The following SDCCAG8 variants were observed in gnomAD, a reference collection of about 807,000 sequenced individuals.
SDCCAG8 encodes serologically defined colon cancer antigen 8.
A neutral mutation model predicts 101.8 loss-of-function variants in SDCCAG8; 74 were observed. That is an observed-to-expected ratio of 0.73 (90% CI 0.60 to 0.88). The LOEUF is 0.88. Ranked by LOEUF, SDCCAG8 falls within the 40% of genes least tolerant of loss-of-function variation. The pLI is 0.00. For missense variants in SDCCAG8, 787 were observed against 822.6 expected (o/e 0.96, Z 0.53); for synonymous variants, 281 against 292.9 (o/e 0.96, Z 0.41).
At chr1:243,480,282 G>A (rs1315415923) in intron 16 of SDCCAG8, among the ~76,000 whole-genome samples, 2 of 148,288 alleles carry the variant, frequency 1.3e-5, no homozygotes, top group East Asian at 2.0e-4. Context: ...GAAGGTCATG[G>A]AATGGATGGG....
At position 243,474,804 on chromosome 1, in the gene SDCCAG8, T is replaced by C. The variant is rs1290507314; in HGVS notation, c.1986-14210T>C. 6.6e-6 allele frequency among the ~76,000 whole-genome samples: 1 copy of C among 152,242 alleles called. No homozygotes were observed. The highest frequency in any genetic ancestry group is 1.5e-5 in the Non-Finnish European group (1 of 68,036). ...CTGGTTGAGTAAGGGAGGAGGCTCG[T>C]CCTGAACGTGCACAGCCGCTCCTAA... On this transcript the variant is annotated intron_variant, in intron 16 of 17. Coordinates refer to ENST00000366541, the MANE Select transcript of SDCCAG8 (RefSeq NM_006642.5). This position sits in a 1 kb window ranked among gnomAD's most constrained non-coding sequence, Gnocchi z 4.7.
intron 2 of SDCCAG8, 63 bp from the exon 3 acceptor site, chr1:243,270,915 A>C (rs1160766690): frequency 8.6e-7 from 1 of 1,167,932 alleles, no homozygotes; most frequent in Non-Finnish European, 1.3e-6. Flanking sequence ...GGAAGGATGG[A>C]TGGGTGGTAA....
intron 17 of SDCCAG8, among the ~76,000 whole-genome samples, chr1:243,492,520 T>G (rs1666752409): frequency 6.6e-6 from 1 of 151,234 alleles, no homozygotes; most frequent in Non-Finnish European, 1.5e-5. Context: ...GCCAGGCTGG[T>G]CTTGAACTCC....
chr1:243,418,140 A>G, intron 15 of SDCCAG8, 64 bp downstream of exon 15: 1 of 1,134,914 alleles, frequency 8.8e-7, no homozygotes. Context: ...TTTTTCCTTA[A>G]AAAACATCAT....
intron 10 of SDCCAG8, among the ~76,000 whole-genome samples, chr1:243,332,188 A>T (rs2074655808): frequency 6.6e-6 from 1 of 152,300 alleles, no homozygotes; most frequent in East Asian, 1.9e-4. Flanking sequence ...ATAGAGAGAG[A>T]GGAGCAGAGT....
At chr1:243,311,991 C>G (rs1406010327) in intron 8 of SDCCAG8, among the ~76,000 whole-genome samples, 2 of 152,196 alleles carry the variant, frequency 1.3e-5, no homozygotes, top group African/African-American at 4.8e-5. Flanking sequence ...CTACTTAGTT[C>G]AATTTTCTGC....
intron 10 of SDCCAG8, among the ~76,000 whole-genome samples, chr1:243,340,476 GA>G (rs1319460482): frequency 6.6e-6 from 1 of 152,134 alleles, no homozygotes; most frequent in East Asian, 1.9e-4. Context: ...TGGCTGAGCT[GA>G]AACCTACATG....
chr1:243,480,906 G>C (rs1182550873), intron 16 of SDCCAG8, among the ~76,000 whole-genome samples: 1 of 114,282 alleles, frequency 8.8e-6, no homozygotes, highest in African/African-American at 3.2e-5. Context: ...GGTGGGATGG[G>C]ATGGGATGGG....
chr1:243,354,937 C>G (rs2076299273), intron 12 of SDCCAG8, among the ~76,000 whole-genome samples: 1 of 152,116 alleles, frequency 6.6e-6, no homozygotes. Context: ...TGAGACAGAC[C>G]ACGCTACAAA....
chr1:243,409,184 G>A (rs1184991130), intron 13 of SDCCAG8, among the ~76,000 whole-genome samples: 1 of 152,076 alleles, frequency 6.6e-6, no homozygotes, highest in Non-Finnish European at 1.5e-5. Context: ...GCTTTCCATA[G>A]ATTATTAATT....
Position 243,474,726 on chromosome 1 carries a change from C to G in SDCCAG8, c.1986-14288C>G, listed in dbSNP as rs531776113. On this transcript the variant is annotated intron_variant, in intron 16 of 17. Coordinates refer to ENST00000366541, the MANE Select transcript of SDCCAG8 (RefSeq NM_006642.5). The surrounding 1 kb of genome is among the most constrained non-coding windows in gnomAD (Gnocchi z 4.7). ...TGGGGTGGAAGGCAGGCTGGGAGCT[C>G]CCGGGACGCGGCGTGGCAGCGCAGG... Among the ~76,000 whole-genome samples, 1 of 152,306 alleles carries G rather than the reference C, an allele frequency of 6.6e-6. No homozygotes were observed. Among genetic ancestry groups the G allele is most frequent in the East Asian group, 1.9e-4 (1 of 5,160 alleles).
In SDCCAG8 at chr1:243,474,009, C is replaced by T. The variant is rs1483207389; in HGVS notation, c.1986-15005C>T. On this transcript the variant is annotated intron_variant, in intron 16 of 17. Coordinates refer to ENST00000366541, the MANE Select transcript of SDCCAG8 (RefSeq NM_006642.5). The surrounding 1 kb of genome is among the most constrained non-coding windows in gnomAD (Gnocchi z 4.7). Reference sequence around the variant, plus strand: ...AATTAAGTCACATGAGAAGCTTAATCACTAACATAGAAATGTAAACGGGTT... The same window carrying T: ...AATTAAGTCACATGAGAAGCTTAATTACTAACATAGAAATGTAAACGGGTT... Among the ~76,000 whole-genome samples, 2 of 143,216 alleles carry T rather than the reference C, an allele frequency of 1.4e-5. No individual in the cohort carries two copies. Among genetic ancestry groups the T allele is most frequent in the African/African-American group, 5.2e-5 (2 of 38,554 alleles). 94.0% of individuals were successfully genotyped at this position (143,216 alleles called of 152,430 possible). A position where few individuals can be genotyped will look rare whatever the true frequency, so the allele number is the denominator to read the frequency against.
rs377083185 is a variant in SDCCAG8, at chr1:243,495,378, G to A, written c.2113-4378G>A. On this transcript the variant is annotated intron_variant, in intron 17 of 17. Transcript: ENST00000366541. The stretch of plus-strand genomic sequence containing the variant: ...GTTTCTGCGGCCCTGTTCCTTTCTC[G>A]GAGCCCAGAAGCAGCAAAGCCAAGC... Among the ~76,000 whole-genome samples the A allele has an allele frequency of 1.8e-4, 28 of 152,322 alleles. No individual in the cohort carries two copies. The East Asian group carries it at 3.3e-3, about 18-fold the overall frequency.
chr1:243,460,793 C>T (rs562439146), intron 16 of SDCCAG8, among the ~76,000 whole-genome samples: 2 of 152,242 alleles, frequency 1.3e-5, no homozygotes, highest in Admixed American at 1.3e-4. Flanking sequence ...CTGTTTGTTG[C>T]ACCCCTGACG....
intron 12 of SDCCAG8, among the ~76,000 whole-genome samples, chr1:243,349,683 C>T (rs942832155): frequency 6.6e-6 from 1 of 152,148 alleles, no homozygotes; most frequent in African/African-American, 2.4e-5. Context: ...CACTGATAAT[C>T]ATGGCATTTT....
chr1:243,427,925 G>A (rs1358784120), intron 16 of SDCCAG8, among the ~76,000 whole-genome samples: 3 of 152,188 alleles, frequency 2.0e-5, no homozygotes, highest in Non-Finnish European at 4.4e-5. Context: ...CAGGCCACAC[G>A]TGGTCTCCGT....
At chr1:243,489,821 C>G (rs1322195860) in intron 17 of SDCCAG8, among the ~76,000 whole-genome samples, 1 of 152,186 alleles carries the variant, frequency 6.6e-6, no homozygotes, top group Admixed American at 6.5e-5. Flanking sequence ...CCAGGCTTTC[C>G]CCATTCAGGT....
intron 8 of SDCCAG8, among the ~76,000 whole-genome samples, chr1:243,314,270 T>C (rs775021104): frequency 2.6e-5 from 4 of 152,200 alleles, no homozygotes; most frequent in Admixed American, 6.5e-5. Context: ...TGTAATCGTT[T>C]TGTGGTCTCA....
At chr1:243,438,590 T>C (rs1019537061) in intron 16 of SDCCAG8, among the ~76,000 whole-genome samples, 23 of 151,798 alleles carry the variant, frequency 1.5e-4, no homozygotes, top group Admixed American at 6.6e-5. Context: ...TAGTAGGAGG[T>C]AGACCCCTCA....
Sources: gnomAD v4.1 joint callset for allele counts (sites outside exome capture counted in the v4.1 genomes callset) on GRCh38, gnomAD v4.1.1 for gene constraint, Gnocchi (gnomAD v3.1) non-coding constraint, MANE v1.5 for transcripts, NCBI Gene and HGNC (gene_info 2026-07-23, HGNC 2026-07-21) for gene names.